The following ATL1 variants were observed in gnomAD, a reference collection of about 807,000 sequenced individuals.
ATL1 encodes the protein atlastin GTPase 1, also known as atlastin-1.
Under a neutral mutation model 75.5 loss-of-function variants are expected in ATL1, and 31 were observed. The observed-to-expected ratio is 0.41, with a 90% CI of 0.31 to 0.55. The LOEUF is 0.55. Among genes scored for constraint, ATL1 ranks in the 20% least tolerant of loss-of-function variants. The pLI is 0.27. For missense variants in ATL1, 405 were observed against 662.6 expected, an observed-to-expected ratio of 0.61 and a Z score of 4.27; for synonymous variants, 226 against 233.3, an observed-to-expected ratio of 0.97 and a Z score of 0.28.
At position 50,628,213 on chromosome 14, in the gene ATL1, G is replaced by A. The variant is rs780449018; in HGVS notation, c.1302G>A (p.Lys434=). The change falls in exon 12 of 14, where the codon AAG becomes AAA. Residue 434 remains lysine, a synonymous_variant. Coordinates refer to ENST00000358385, the MANE Select transcript of ATL1 (RefSeq NM_015915.5). ...ATGAACTTTACATCCAATATATCAA[G>A]CACAATGATAGCAAAAATATCTTCC... ...EIDELYIQYI[K]HNDSKNIFHA... is the part of the protein sequence containing the mutation. 4 of 1,614,040 alleles carry A rather than the reference G, an allele frequency of 2.5e-6. No homozygotes were observed. The highest frequency in any genetic ancestry group is 2.7e-5 in the African/African-American group (2 of 74,900).
intron 1 of ATL1, among the ~76,000 whole-genome samples, chr14:50,542,073 C>CTATTGTCT (rs1384192671): frequency 7.6e-6 from 1 of 132,290 alleles, no homozygotes; most frequent in African/African-American, 2.8e-5. Context: ...CTGCTGACAG[C>CTATTGTCT]TATTGTCTGT....
At chr14:50,547,882 AC>A (rs1341374030) in intron 1 of ATL1, among the ~76,000 whole-genome samples, 1 of 152,212 alleles carries the variant, frequency 6.6e-6, no homozygotes, top group Non-Finnish European at 1.5e-5. Context: ...CTTTCCAGGT[AC>A]TACCAAAAGG....
chr14:50,541,756 C>T (rs2140146187), intron 1 of ATL1, among the ~76,000 whole-genome samples: 1 of 152,016 alleles, frequency 6.6e-6, no homozygotes, highest in South Asian at 2.1e-4. Context: ...CGCGGTGGCT[C>T]ACGCCTGTAA....
At chr14:50,546,254 A>G (rs2038630170) in intron 1 of ATL1, among the ~76,000 whole-genome samples, 1 of 152,238 alleles carries the variant, frequency 6.6e-6, no homozygotes, top group African/African-American at 2.4e-5. Context: ...AAGTTTAGCC[A>G]TATGAAGGGG....
chr14:50,627,907 C>T, intron 11 of ATL1, 124 bp from the exon 12 acceptor site: 1 of 898,460 alleles, frequency 1.1e-6, no homozygotes, highest in Non-Finnish European at 1.8e-6. Context: ...GCTGACAAAA[C>T]ATATATGCAG....
chr14:50,592,452 T>A (rs1357717398), intron 4 of ATL1, among the ~76,000 whole-genome samples: 5 of 151,812 alleles, frequency 3.3e-5, no homozygotes, highest in African/African-American at 4.8e-5. Context: ...AACAAGGGCG[T>A]CATATATGAT....
At chr14:50,540,296 A>G (rs1162896372) in intron 1 of ATL1, among the ~76,000 whole-genome samples, 1 of 152,236 alleles carries the variant, frequency 6.6e-6, no homozygotes, top group Non-Finnish European at 1.5e-5. Context: ...CTTAAGTGCC[A>G]TTTGACATAT....
Position 50,560,409 on chromosome 14 carries a change from G to C in ATL1, c.34+110G>C, listed in dbSNP as rs74885887. 19,322 of 1,418,580 alleles carry C rather than the reference G, an allele frequency of 0.014. 632 individuals are homozygous for C. The highest frequency in any genetic ancestry group is 0.12 in the African/African-American group (8,024 of 69,582). The allele number at this position is 1,418,580 out of a possible 1,614,324, so 87.9% of individuals were successfully genotyped here. ...AGGGCTGCTAGGTGCCTGCGTCCAC[G>C]GCTGGGAGACGGGCCGTAGCCGAGC... On this transcript the variant is annotated intron_variant, in intron 1 of 13. Coordinates refer to ENST00000358385, the MANE Select transcript of ATL1 (RefSeq NM_015915.5).
At chr14:50,590,250 C>T (rs1024061657) in intron 2 of ATL1, among the ~76,000 whole-genome samples, 3 of 152,202 alleles carry the variant, frequency 2.0e-5, no homozygotes, top group Non-Finnish European at 4.4e-5. Flanking sequence ...GCCCTACCTA[C>T]TTCTAGAATA....
At chr14:50,612,515 T>A (rs377478469) in intron 6 of ATL1, among the ~76,000 whole-genome samples, 1 of 152,210 alleles carries the variant, frequency 6.6e-6, no homozygotes, top group East Asian at 1.9e-4. Context: ...GGTAAAAAAA[T>A]CATTTACTTG....
chr14:50,612,897 C>T (rs1457431057), intron 6 of ATL1, among the ~76,000 whole-genome samples: 1 of 152,000 alleles, frequency 6.6e-6, no homozygotes, highest in Non-Finnish European at 1.5e-5. Flanking sequence ...TATCTTATGC[C>T]TGCATTCAGC....
At chr14:50,592,946 ATGTGTG>A (rs35964654) in intron 4 of ATL1, among the ~76,000 whole-genome samples, 1 of 132,524 alleles carries the variant, frequency 7.5e-6, no homozygotes, top group East Asian at 2.0e-4. Context: ...ATATATATAT[ATGTGTG>A]TGTGTGTGTG....
intron 6 of ATL1, 89 bp from the exon 7 acceptor site, chr14:50,613,170 A>T (rs1169994686): frequency 1.0e-6 from 1 of 962,758 alleles, no homozygotes; most frequent in African/African-American, 1.6e-5. Flanking sequence ...ACGATATTCA[A>T]ATGACAGTGA....
intron 6 of ATL1, among the ~76,000 whole-genome samples, chr14:50,611,066 T>A (rs1566730148): frequency 2.0e-5 from 3 of 152,026 alleles, no homozygotes. Context: ...CTTGAAAAAC[T>A]GACTTGCACT....
chr14:50,631,323 C>T, intron 13 of ATL1, among the ~76,000 whole-genome samples: 1 of 151,380 alleles, frequency 6.6e-6, no homozygotes. Flanking sequence ...GGTATAGACT[C>T]ACAAATGATA....
At chr14:50,617,488 A>G (rs1029590783) in intron 8 of ATL1, among the ~76,000 whole-genome samples, 2 of 152,228 alleles carry the variant, frequency 1.3e-5, no homozygotes, top group South Asian at 2.1e-4. Flanking sequence ...TTGAGAATGC[A>G]TAGTCAAATG....
intron 1 of ATL1, among the ~76,000 whole-genome samples, chr14:50,544,522 A>G (rs140889269): frequency 7.2e-4 from 110 of 152,314 alleles, no homozygotes; most frequent in African/African-American, 2.5e-3. Flanking sequence ...TTTCCTTGCT[A>G]TTAACAGGGT....
chr14:50,541,486 T>C (rs1285444011), intron 1 of ATL1, among the ~76,000 whole-genome samples: 1 of 152,194 alleles, frequency 6.6e-6, no homozygotes, highest in Non-Finnish European at 1.5e-5. Context: ...GTTTGGCCTG[T>C]TTGTATTTTG....
chr14:50,605,591 T>C (rs374358211), intron 6 of ATL1, among the ~76,000 whole-genome samples: 12 of 152,162 alleles, frequency 7.9e-5, no homozygotes, highest in East Asian at 7.7e-4. Flanking sequence ...CTTTGTCCAA[T>C]TGATATTTAA....
Sources: allele counts gnomAD v4.1 joint callset (sites outside exome capture counted in the v4.1 genomes callset), GRCh38; gene constraint gnomAD v4.1.1; transcripts MANE v1.5; gene names NCBI Gene and HGNC (gene_info 2026-07-23, HGNC 2026-07-21).